DRC11: variants seen among roughly 807,000 people sequenced by gnomAD.
DRC11 encodes the protein dynein regulatory complex subunit 11, also known as IQ and AAA domain-containing protein 1.
At chr2:236,373,199 T>C in the DRC11 span, among the ~76,000 whole-genome samples, 2 of 152,084 alleles carry the variant, frequency 1.3e-5, no homozygotes, top group African/African-American at 4.8e-5. Flanking sequence ...TTCTGGGTTT[T>C]ACTCTTTCTA....
the DRC11 span, among the ~76,000 whole-genome samples, chr2:236,450,476 C>T: frequency 1.3e-5 from 2 of 151,718 alleles, no homozygotes; most frequent in African/African-American, 2.4e-5. Flanking sequence ...TGCACCACCA[C>T]ACCCAGCTAA....
chr2:236,426,573 A>C, the DRC11 span, among the ~76,000 whole-genome samples: 1 of 152,062 alleles, frequency 6.6e-6, no homozygotes, highest in Non-Finnish European at 1.5e-5. The surrounding 1 kb of genome is among the most constrained non-coding windows in gnomAD (Gnocchi z 4.1). Flanking sequence ...CTTTTTCAAA[A>C]TTTTTAAAAA....
the DRC11 span, chr2:236,367,909 G>T: frequency 2.3e-6 from 1 of 427,606 alleles, no homozygotes; most frequent in African/African-American, 2.0e-5. The surrounding 1 kb of genome is among the most constrained non-coding windows in gnomAD (Gnocchi z 4.8). Context: ...AATCGTAATT[G>T]CAGGTACTTG....
At chr2:236,392,961 A>C in the DRC11 span, among the ~76,000 whole-genome samples, 4 of 152,206 alleles carry the variant, frequency 2.6e-5, no homozygotes, top group African/African-American at 9.7e-5. The surrounding 1 kb of genome is among the most constrained non-coding windows in gnomAD (Gnocchi z 5.1). Context: ...GACCTGGAGA[A>C]ACATGACCCT....
chr2:236,447,522 G>T, the DRC11 span, among the ~76,000 whole-genome samples: 16 of 152,178 alleles, frequency 1.1e-4, no homozygotes, highest in Non-Finnish European at 1.5e-5. This position sits in a 1 kb window ranked among gnomAD's most constrained non-coding sequence, Gnocchi z 4.6. Context: ...CACTCCTACA[G>T]AGGAGTGTAA....
At chr2:236,431,560 G>C in the DRC11 span, among the ~76,000 whole-genome samples, 1 of 152,150 alleles carries the variant, frequency 6.6e-6, no homozygotes, top group Non-Finnish European at 1.5e-5. The surrounding 1 kb of genome is among the most constrained non-coding windows in gnomAD (Gnocchi z 4.2). Context: ...GTTGAGATTT[G>C]GGTGGGAACA....
At chr2:236,459,640 TATACGTATATATGTATATAC>T in the DRC11 span, among the ~76,000 whole-genome samples, 2 of 143,014 alleles carry the variant, frequency 1.4e-5, no homozygotes, top group Admixed American at 6.9e-5. Flanking sequence ...TATATACGTA[TATACGTATATATGTATATAC>T]ATACGTATAT....
At chr2:236,416,743 A>T in the DRC11 span, among the ~76,000 whole-genome samples, 4 of 56,424 alleles carry the variant, frequency 7.1e-5, no homozygotes, top group Admixed American at 1.8e-4. Context: ...ATATATATAT[A>T]TATATATATA....
chr2:236,419,403 G>A, the DRC11 span: 13 of 1,361,310 alleles, frequency 9.5e-6, no homozygotes, highest in East Asian at 1.6e-4. This position sits in a 1 kb window ranked among gnomAD's most constrained non-coding sequence, Gnocchi z 4.8. Context: ...CCTGCAGGCC[G>A]ACCCCTTCTG....
the DRC11 span, among the ~76,000 whole-genome samples, chr2:236,394,725 G>A: frequency 6.6e-6 from 1 of 152,202 alleles, no homozygotes; most frequent in Non-Finnish European, 1.5e-5. This position sits in a 1 kb window ranked among gnomAD's most constrained non-coding sequence, Gnocchi z 7.0. Flanking sequence ...GCAGAGGCAG[G>A]TCCACCTGCC....
chr2:236,380,608 T>A, the DRC11 span: 9 of 1,551,534 alleles, frequency 5.8e-6, no homozygotes, highest in Non-Finnish European at 7.8e-6. The surrounding 1 kb of genome is among the most constrained non-coding windows in gnomAD (Gnocchi z 4.9). Flanking sequence ...TGCCTTCTTC[T>A]CTTTCTTTTT....
At chr2:236,498,510 G>A in the DRC11 span, among the ~76,000 whole-genome samples, 1 of 151,744 alleles carries the variant, frequency 6.6e-6, no homozygotes. Context: ...GGCCTGGGAG[G>A]CTGAGCTCTC....
At chr2:236,491,029 G>GTGTATATATATATACAGTATATATATA in the DRC11 span, among the ~76,000 whole-genome samples, 30 of 135,710 alleles carry the variant, frequency 2.2e-4, no homozygotes, top group Middle Eastern at 3.9e-3. Context: ...ATATATATGT[G>GTGTATATATATATACAGTATATATATA]TGTATATATA....
the DRC11 span, chr2:236,487,925 C>T: frequency 2.9e-6 from 3 of 1,023,442 alleles, no homozygotes; most frequent in African/African-American, 3.3e-5. Context: ...TTTTGAAGCT[C>T]AGCCCCAAAA....
the DRC11 span, among the ~76,000 whole-genome samples, chr2:236,310,635 G>T: frequency 5.3e-5 from 8 of 152,178 alleles, no homozygotes. The surrounding 1 kb of genome is among the most constrained non-coding windows in gnomAD (Gnocchi z 5.5). Context: ...GGCCAGACAG[G>T]CACCACTGTC....
At chr2:236,500,303 G>A in the DRC11 span, among the ~76,000 whole-genome samples, 3 of 152,296 alleles carry the variant, frequency 2.0e-5, no homozygotes, top group Admixed American at 6.5e-5. This position sits in a 1 kb window ranked among gnomAD's most constrained non-coding sequence, Gnocchi z 6.3. Context: ...AATGCAGGAC[G>A]TACATGTAGG....
chr2:236,424,332 T>G, the DRC11 span, among the ~76,000 whole-genome samples: 1 of 152,214 alleles, frequency 6.6e-6, no homozygotes, highest in African/African-American at 2.4e-5. Context: ...CCTTTTAAAG[T>G]CTTACCAATT....
the DRC11 span, among the ~76,000 whole-genome samples, chr2:236,342,946 G>A: frequency 6.6e-6 from 1 of 152,142 alleles, no homozygotes; most frequent in African/African-American, 2.4e-5. The surrounding 1 kb of genome is among the most constrained non-coding windows in gnomAD (Gnocchi z 5.8). Context: ...AAAACGTCCA[G>A]TTCATCCACA....
chr2:236,415,593 T>G, the DRC11 span, among the ~76,000 whole-genome samples: 2 of 152,334 alleles, frequency 1.3e-5, no homozygotes, highest in Non-Finnish European at 1.5e-5. The surrounding 1 kb of genome is among the most constrained non-coding windows in gnomAD (Gnocchi z 5.7). Flanking sequence ...ATTGTCACTA[T>G]GCAGATCTGC....
Sources: allele counts gnomAD v4.1 joint callset (sites outside exome capture counted in the v4.1 genomes callset), GRCh38; gene constraint gnomAD v4.1.1; non-coding constraint Gnocchi (gnomAD v3.1); transcripts MANE v1.5; gene names NCBI Gene and HGNC (gene_info 2026-07-23, HGNC 2026-07-21).